The following RABGAP1L variants were observed in gnomAD, a reference collection of about 807,000 sequenced individuals.
RABGAP1L encodes RAB GTPase activating protein 1 like, also known as rab GTPase-activating protein 1-like.
Under a neutral mutation model 137.7 loss-of-function variants are expected in RABGAP1L, and 63 were observed. The ratio of observed to expected loss-of-function variants is 0.46; its 90% CI spans 0.37 to 0.56. The LOEUF is 0.56. Among genes scored for constraint, RABGAP1L ranks in the 20% least tolerant of loss-of-function variants. The pLI, the probability that RABGAP1L is intolerant of heterozygous loss-of-function variation, is 0.00. For missense variants in RABGAP1L, 1,095 were observed against 1,244.0 expected, an observed-to-expected ratio of 0.88 and a Z score of 1.80; for synonymous variants, 431 against 433.7, an observed-to-expected ratio of 0.99 and a Z score of 0.08.
chr1:174,625,470 G>T (rs59190079), intron 13 of RABGAP1L, among the ~76,000 whole-genome samples: 11,867 of 152,142 alleles, frequency 0.078, 644 homozygotes, highest in East Asian at 0.31. Flanking sequence ...GCCTTACTCT[G>T]TTGCCCAGGC....
At chr1:174,583,734 A>G (rs1053134022) in intron 13 of RABGAP1L, among the ~76,000 whole-genome samples, 11 of 152,330 alleles carry the variant, frequency 7.2e-5, no homozygotes, top group African/African-American at 2.4e-4. Context: ...GGAGTTGCCC[A>G]GTTTCCAGAT....
At chr1:174,360,529 T>C (rs1409932464) in intron 11 of RABGAP1L, among the ~76,000 whole-genome samples, 3 of 152,224 alleles carry the variant, frequency 2.0e-5, no homozygotes, top group African/African-American at 7.2e-5. Flanking sequence ...TAATATGCTC[T>C]AGAGAAACTA....
chr1:174,323,507 A>G (rs950957596), intron 11 of RABGAP1L, among the ~76,000 whole-genome samples: 1 of 152,092 alleles, frequency 6.6e-6, no homozygotes, highest in African/African-American at 2.4e-5. Flanking sequence ...TATATTCTTA[A>G]TATTCTGGAT....
chr1:174,706,953 A>G (rs1680094946), intron 17 of RABGAP1L, among the ~76,000 whole-genome samples: 1 of 152,128 alleles, frequency 6.6e-6, no homozygotes, highest in Non-Finnish European at 1.5e-5. Flanking sequence ...GTTGACGGTT[A>G]TTTGAGTTGT....
At chr1:174,969,535 G>A (rs1349007476) in intron 21 of RABGAP1L, 148 bp downstream of exon 21, 1 of 640,516 alleles carries the variant, frequency 1.6e-6, no homozygotes, top group Non-Finnish European at 2.7e-6. Context: ...GGAGACCATG[G>A]AAAACATAAG....
At chr1:174,861,863 G>A (rs538913251) in intron 19 of RABGAP1L, among the ~76,000 whole-genome samples, 16 of 152,082 alleles carry the variant, frequency 1.1e-4, no homozygotes, top group Non-Finnish European at 2.1e-4. Context: ...TCCCTCATGA[G>A]ATATATAGTT....
intron 13 of RABGAP1L, among the ~76,000 whole-genome samples, chr1:174,489,558 G>A (rs1660015031): frequency 6.6e-6 from 1 of 151,022 alleles, no homozygotes; most frequent in African/African-American, 2.4e-5. Context: ...TGGAGAAATA[G>A]GAACACTTTT....
chr1:174,372,354 A>G (rs1310973685), intron 12 of RABGAP1L, among the ~76,000 whole-genome samples: 1 of 152,126 alleles, frequency 6.6e-6, no homozygotes, highest in African/African-American at 2.4e-5. Flanking sequence ...TTATTCATAC[A>G]GGGCTGGTGC....
At chr1:174,388,082 T>TA (rs1686949469) in intron 12 of RABGAP1L, among the ~76,000 whole-genome samples, 3 of 152,138 alleles carry the variant, frequency 2.0e-5, no homozygotes, top group Non-Finnish European at 4.4e-5. Context: ...GGCATTTACA[T>TA]ATAGACATTT....
chr1:174,711,800 G>A (rs2148557358), intron 17 of RABGAP1L, among the ~76,000 whole-genome samples: 1 of 152,358 alleles, frequency 6.6e-6, no homozygotes, highest in Middle Eastern at 3.4e-3. Flanking sequence ...CACATGGCAT[G>A]GGACTGGTGG....
At chr1:174,197,090 A>G (rs1667744479) in intron 1 of RABGAP1L, among the ~76,000 whole-genome samples, 1 of 152,196 alleles carries the variant, frequency 6.6e-6, no homozygotes, top group South Asian at 2.1e-4. Context: ...AAACATTAAT[A>G]TTTATTTAGC....
intron 18 of RABGAP1L, among the ~76,000 whole-genome samples, chr1:174,782,685 T>C (rs1195729565): frequency 6.6e-6 from 1 of 152,152 alleles, no homozygotes; most frequent in Non-Finnish European, 1.5e-5. Context: ...GCTAGTGGTA[T>C]TGAGAGACAG....
intron 19 of RABGAP1L, among the ~76,000 whole-genome samples, chr1:174,911,273 G>GT (rs1660010801): frequency 6.6e-6 from 1 of 152,114 alleles, no homozygotes; most frequent in South Asian, 2.1e-4. Context: ...TGTTAAAAAA[G>GT]TTTTAAACTT....
At chr1:174,252,011 C>G (rs1672753998) in intron 6 of RABGAP1L, among the ~76,000 whole-genome samples, 1 of 151,984 alleles carries the variant, frequency 6.6e-6, no homozygotes, top group African/African-American at 2.4e-5. Context: ...ATTCTCCTGC[C>G]TCAGCCTCCC....
chr1:174,840,421 G>T (rs548262410), intron 19 of RABGAP1L, among the ~76,000 whole-genome samples: 2 of 152,232 alleles, frequency 1.3e-5, no homozygotes, highest in Non-Finnish European at 2.9e-5. Context: ...AAAGCTGGCA[G>T]AACTTTCTAG....
chr1:174,653,943 C>T (rs1234472375), intron 14 of RABGAP1L, among the ~76,000 whole-genome samples: 1 of 151,964 alleles, frequency 6.6e-6, no homozygotes, highest in Non-Finnish European at 1.5e-5. Context: ...GTCACCAAGA[C>T]AGGATTAAGT....
intron 19 of RABGAP1L, among the ~76,000 whole-genome samples, chr1:174,853,357 C>T (rs1346709150): frequency 6.6e-6 from 1 of 151,680 alleles, no homozygotes; most frequent in Non-Finnish European, 1.5e-5. Flanking sequence ...TTGAAATCTT[C>T]TGGGCTTAGG....
intron 13 of RABGAP1L, among the ~76,000 whole-genome samples, chr1:174,542,560 A>AT (rs1229391789): frequency 5.3e-5 from 8 of 151,792 alleles, no homozygotes; most frequent in South Asian, 2.1e-4. Flanking sequence ...GGATTCATTG[A>AT]TTTTTTGAAG....
intron 17 of RABGAP1L, among the ~76,000 whole-genome samples, chr1:174,704,103 T>A (rs1224175966): frequency 6.6e-6 from 1 of 152,182 alleles, no homozygotes; most frequent in Non-Finnish European, 1.5e-5. Context: ...GTTCAAGCAA[T>A]TCTCCTGCCT....
Sources: allele counts gnomAD v4.1 joint callset (sites outside exome capture counted in the v4.1 genomes callset), GRCh38; gene constraint gnomAD v4.1.1; transcripts MANE v1.5; gene names NCBI Gene and HGNC (gene_info 2026-07-23, HGNC 2026-07-21).